Variants in PRKN observed in about 807,000 individuals in gnomAD.
PRKN encodes the protein parkin RBR E3 ubiquitin protein ligase.
PRKN carries 56 observed loss-of-function variants against 59.5 expected under a neutral mutation model. The observed-to-expected ratio is 0.94, with a 90% confidence interval of 0.76 to 1.18. The LOEUF is 1.18. Among genes scored for constraint, PRKN ranks in the 50% most tolerant of loss-of-function variants. PRKN has a pLI of 0.00. For synonymous variants in PRKN, 250 were observed against 222.1 expected (o/e 1.13, Z -1.12); for missense variants, 657 against 596.4 (o/e 1.10, Z -1.06).
intron 5 of PRKN, among the ~76,000 whole-genome samples, chr6:161,988,444 G>A (rs764070614): frequency 1.8e-4 from 28 of 151,780 alleles, no homozygotes; most frequent in Non-Finnish European, 4.0e-4. Context: ...GCGAGATCCC[G>A]CACTGCACTC....
intron 6 of PRKN, among the ~76,000 whole-genome samples, chr6:161,932,997 C>G (rs1230785549): frequency 6.6e-6 from 1 of 152,094 alleles, no homozygotes; most frequent in Non-Finnish European, 1.5e-5. Context: ...TCACTAAAAC[C>G]AGCCGGGTGT....
intron 1 of PRKN, among the ~76,000 whole-genome samples, chr6:162,450,399 G>GCCCCTGTGATTGTAATC (rs1790563062): frequency 7.9e-6 from 1 of 126,352 alleles, no homozygotes; most frequent in African/African-American, 2.8e-5. Context: ...GAATGTAAAC[G>GCCCCTGTGATTGTAATC]CCCCTATGAT....
rs547791795 is a variant in PRKN at position 161,987,387 on chromosome 6, T to G, written c.619-13970A>C. On this transcript the variant is annotated intron_variant, in intron 5 of 11. Coordinates refer to ENST00000366898, the MANE Select transcript of PRKN (RefSeq NM_004562.3). Reference sequence around the variant, plus strand: ...ATATATCGATGGGCGTAGACATGTGTGCTTTATACATATGATCATCCCTCA... The same window carrying G: ...ATATATCGATGGGCGTAGACATGTGGGCTTTATACATATGATCATCCCTCA... Among the ~76,000 whole-genome samples the G allele has an allele frequency of 8.5e-5, 13 of 152,312 alleles. No individual in the cohort carries two copies. In the South Asian group the frequency reaches 2.5e-3, roughly 29 times the overall value.
At chr6:161,667,714 TTTTA>T (rs1348818028) in intron 7 of PRKN, among the ~76,000 whole-genome samples, 3 of 152,214 alleles carry the variant, frequency 2.0e-5, no homozygotes, top group East Asian at 1.9e-4. Context: ...ATGTTTTAAA[TTTTA>T]TTTAAGTTCA....
chr6:161,813,209 A>G (rs765327159), intron 6 of PRKN, among the ~76,000 whole-genome samples: 1 of 152,132 alleles, frequency 6.6e-6, no homozygotes, highest in Admixed American at 6.5e-5. Context: ...AGCTTGTGGG[A>G]GGAAGTGCAG....
intron 1 of PRKN, among the ~76,000 whole-genome samples, chr6:162,586,387 A>G: frequency 6.6e-6 from 1 of 152,234 alleles, no homozygotes; most frequent in Non-Finnish European, 1.5e-5. Context: ...TATCTGTGAG[A>G]AACCACTAAA....
intron 4 of PRKN, among the ~76,000 whole-genome samples, chr6:162,123,367 T>C (rs1780995650): frequency 6.6e-6 from 1 of 152,128 alleles, no homozygotes; most frequent in African/African-American, 2.4e-5. Context: ...GAAAAGGTAA[T>C]AGAAGAGGAA....
At chr6:161,732,685 T>C (rs979714646) in intron 7 of PRKN, among the ~76,000 whole-genome samples, 2 of 152,228 alleles carry the variant, frequency 1.3e-5, no homozygotes, top group African/African-American at 2.4e-5. Flanking sequence ...CTTAGGATAA[T>C]GGCCGTCACC....
At position 161,526,638 on chromosome 6, in the gene PRKN, G is replaced by A. The variant is rs1779027233; in HGVS notation, c.1083+22216C>T. ...CTCAAAGCATCAGTAATTGCTACAT[G>A]AGGAGCAAACCCTCTGATATAATTT... On this transcript the variant is annotated intron_variant, in intron 9 of 11. Transcript: ENST00000366898. This position sits in a 1 kb window ranked among gnomAD's most constrained non-coding sequence, Gnocchi z 4.1. Among the ~76,000 whole-genome samples the A allele has an allele frequency of 6.6e-6, 1 of 151,390 alleles. No homozygotes were observed.
At chr6:162,494,264 C>G (rs1334029947) in intron 1 of PRKN, among the ~76,000 whole-genome samples, 2 of 152,186 alleles carry the variant, frequency 1.3e-5, no homozygotes, top group Non-Finnish European at 2.9e-5. Context: ...CATCAGGCAA[C>G]AGCTGGGCCT....
intron 6 of PRKN, among the ~76,000 whole-genome samples, chr6:161,956,944 T>C (rs556825278): frequency 6.6e-6 from 1 of 152,362 alleles, no homozygotes; most frequent in East Asian, 1.9e-4. Context: ...CCGGCATTCC[T>C]GGTCATTTTC....
At chr6:161,777,672 A>AAT (rs34611000) in intron 7 of PRKN, among the ~76,000 whole-genome samples, 49,914 of 141,168 alleles carry the variant, frequency 0.35, 9,146 homozygotes, top group South Asian at 0.48. Context: ...TATATATGAG[A>AAT]ATATATATAT....
intron 1 of PRKN, among the ~76,000 whole-genome samples, chr6:162,620,355 A>G (rs1340087167): frequency 6.6e-6 from 1 of 151,784 alleles, no homozygotes; most frequent in South Asian, 2.1e-4. Context: ...TAATTACATT[A>G]TTTTTTTTCT....
chr6:161,642,470 G>T (rs1783779849), intron 7 of PRKN, among the ~76,000 whole-genome samples: 1 of 152,138 alleles, frequency 6.6e-6, no homozygotes, highest in Admixed American at 6.5e-5. Context: ...GACTGTAATA[G>T]AGAATTTCTG....
chr6:162,175,264 T>C (rs1051636234), intron 4 of PRKN, among the ~76,000 whole-genome samples: 2 of 152,174 alleles, frequency 1.3e-5, no homozygotes, highest in Non-Finnish European at 2.9e-5. Context: ...TTGAATCACG[T>C]AACTTTTTAA....
At chr6:162,190,531 G>T (rs1485353034) in intron 4 of PRKN, among the ~76,000 whole-genome samples, 1 of 152,138 alleles carries the variant, frequency 6.6e-6, no homozygotes, top group African/African-American at 2.4e-5. Context: ...CTCGCCGGGT[G>T]ACCCAAGTAA....
rs1313971011 is a variant in PRKN, at chr6:161,460,097, T to TA, written c.1084-73221dup. ...TGAAGCAGGCATGGTGCAGGAATAGTACGAACAAATATAAACAGCAATTGA... is the reference window on the plus strand; with the variant it reads ...TGAAGCAGGCATGGTGCAGGAATAGTAACGAACAAATATAAACAGCAATTGA... On this transcript the variant is annotated intron_variant, in intron 9 of 11. Coordinates refer to ENST00000366898, the MANE Select transcript of PRKN (RefSeq NM_004562.3). This position sits in a 1 kb window ranked among gnomAD's most constrained non-coding sequence, Gnocchi z 5.0. Among the ~76,000 whole-genome samples, 1 of 152,216 alleles carries TA rather than the reference T, an allele frequency of 6.6e-6. No individual in the cohort carries two copies. Among genetic ancestry groups the TA allele is most frequent in the Non-Finnish European group, 1.5e-5 (1 of 68,036 alleles).
At chr6:161,555,995 G>A (rs1780224032) in intron 8 of PRKN, among the ~76,000 whole-genome samples, 1 of 152,094 alleles carries the variant, frequency 6.6e-6, no homozygotes, top group South Asian at 2.1e-4. Flanking sequence ...ACATCACCTA[G>A]TCTATTTAAT....
At chr6:162,712,736 T>A (rs1277284867) in intron 1 of PRKN, among the ~76,000 whole-genome samples, 1 of 152,252 alleles carries the variant, frequency 6.6e-6, no homozygotes, top group Non-Finnish European at 1.5e-5. Flanking sequence ...ATCATCCCCA[T>A]ACTTAATGTC....
Sources: allele counts gnomAD v4.1 joint callset (sites outside exome capture counted in the v4.1 genomes callset), GRCh38; gene constraint gnomAD v4.1.1; non-coding constraint Gnocchi (gnomAD v3.1); transcripts MANE v1.5; gene names NCBI Gene and HGNC (gene_info 2026-07-23, HGNC 2026-07-21).